The following ELMO1 variants were observed in gnomAD, a reference collection of about 807,000 sequenced individuals.
ELMO1 encodes engulfment and cell motility 1, also known as engulfment and cell motility protein 1.
In ELMO1, 26 loss-of-function variants were observed where a neutral mutation model predicts 98.9. The ratio of observed to expected loss-of-function variants is 0.26; its 90% confidence interval spans 0.19 to 0.36. The LOEUF is 0.36. ELMO1 is among the 10% of genes least tolerant of loss of function. The probability of loss-of-function intolerance (pLI) is 1.00; values close to 1 mark genes in which losing one functional copy is unlikely to be tolerated. For missense variants in ELMO1, 627 were observed against 935.2 expected, an observed-to-expected ratio of 0.67 and a Z score of 4.30; for synonymous variants, 346 against 346.0, an observed-to-expected ratio of 1.00 and a Z score of 0.00.
At chr7:37,322,577 C>T (rs537970364) in intron 2 of ELMO1, among the ~76,000 whole-genome samples, 87 of 150,674 alleles carry the variant, frequency 5.8e-4, no homozygotes, top group African/African-American at 1.8e-3. Context: ...GCTGAGACCG[C>T]GCTACTGCAC....
At chr7:37,182,588 C>T (rs1403113465) in intron 13 of ELMO1, among the ~76,000 whole-genome samples, 1 of 150,610 alleles carries the variant, frequency 6.6e-6, no homozygotes, top group Non-Finnish European at 1.5e-5. Flanking sequence ...CCTCCCCCTC[C>T]TCTCTCTCTT....
At chr7:37,111,181 G>C (rs1001276980) in intron 14 of ELMO1, among the ~76,000 whole-genome samples, 1 of 152,182 alleles carries the variant, frequency 6.6e-6, no homozygotes, top group Non-Finnish European at 1.5e-5. Flanking sequence ...TGCCCTGAGA[G>C]AGTCAGTAAG....
intron 14 of ELMO1, among the ~76,000 whole-genome samples, chr7:37,109,348 G>A (rs1179827852): frequency 6.6e-6 from 1 of 152,238 alleles, no homozygotes; most frequent in Non-Finnish European, 1.5e-5. Context: ...TTCGTTGTGT[G>A]TTTATGGAAA....
chr7:37,021,230 A>G (rs1289424903), intron 15 of ELMO1, among the ~76,000 whole-genome samples: 1 of 152,168 alleles, frequency 6.6e-6, no homozygotes, highest in Non-Finnish European at 1.5e-5. Flanking sequence ...CAGCCTAGAT[A>G]GAAGCTACCA....
At chr7:37,355,775 T>G (rs1289071103) in intron 1 of ELMO1, among the ~76,000 whole-genome samples, 2 of 152,218 alleles carry the variant, frequency 1.3e-5, no homozygotes, top group South Asian at 2.1e-4. Flanking sequence ...GGACTCAACT[T>G]GTTCTAAATC....
chr7:37,111,260 A>G (rs1355345993), intron 14 of ELMO1, among the ~76,000 whole-genome samples: 1 of 152,204 alleles, frequency 6.6e-6, no homozygotes, highest in Non-Finnish European at 1.5e-5. Flanking sequence ...CATTGAAAAG[A>G]TCAGCACACG....
chr7:37,346,380 A>C (rs573193992), intron 1 of ELMO1, among the ~76,000 whole-genome samples: 1 of 152,332 alleles, frequency 6.6e-6, no homozygotes, highest in East Asian at 1.9e-4. Flanking sequence ...ATCCTCAAGA[A>C]ATAATTATTA....
chr7:36,954,964 C>A (rs1180573470), intron 16 of ELMO1, among the ~76,000 whole-genome samples: 1 of 152,188 alleles, frequency 6.6e-6, no homozygotes. Context: ...AGCCATTCAT[C>A]CCACAACCCG....
At chr7:36,915,517 C>T (rs1040934895) in intron 16 of ELMO1, among the ~76,000 whole-genome samples, 4 of 152,166 alleles carry the variant, frequency 2.6e-5, no homozygotes, top group Non-Finnish European at 5.9e-5. Context: ...GAGATGGATC[C>T]ACCACAAAGG....
intron 17 of ELMO1, among the ~76,000 whole-genome samples, chr7:36,893,725 C>T (rs1372716008): frequency 6.6e-6 from 1 of 152,152 alleles, no homozygotes; most frequent in Non-Finnish European, 1.5e-5. Context: ...GGCTCTTCCA[C>T]TTGTTGGCAT....
At chr7:37,364,377 A>AAG (rs1447829586) in intron 1 of ELMO1, among the ~76,000 whole-genome samples, 1 of 152,244 alleles carries the variant, frequency 6.6e-6, no homozygotes, top group Non-Finnish European at 1.5e-5. Context: ...GACAACAAGC[A>AAG]AGAATATTGA....
chr7:37,066,653 A>G (rs530890484), intron 15 of ELMO1, among the ~76,000 whole-genome samples: 1 of 152,330 alleles, frequency 6.6e-6, no homozygotes, highest in Admixed American at 6.5e-5. Context: ...TCCCAACACA[A>G]AGAAATGATA....
intron 10 of ELMO1, among the ~76,000 whole-genome samples, chr7:37,221,787 G>A (rs183924669): frequency 4.3e-4 from 66 of 151,802 alleles, no homozygotes; most frequent in African/African-American, 1.4e-3. Context: ...TCTGCCTCCC[G>A]GCTTGGTTCA....
At chr7:37,102,797 G>A (rs1269843282) in intron 14 of ELMO1, among the ~76,000 whole-genome samples, 1 of 152,208 alleles carries the variant, frequency 6.6e-6, no homozygotes, top group Non-Finnish European at 1.5e-5. Flanking sequence ...TGGAAGCTTA[G>A]ATGGCCTAAC....
chr7:36,865,351 G>C (rs753733358), intron 20 of ELMO1, among the ~76,000 whole-genome samples: 12 of 152,172 alleles, frequency 7.9e-5, no homozygotes, highest in Non-Finnish European at 1.5e-4. Flanking sequence ...GCTTATTGCT[G>C]TCCAGATATC....
chr7:37,100,242 A>G (rs1414967784), intron 14 of ELMO1, among the ~76,000 whole-genome samples: 4 of 152,226 alleles, frequency 2.6e-5, no homozygotes, highest in Admixed American at 6.5e-5. Context: ...TTCCTCCTAG[A>G]CAAAGCTATA....
At chr7:36,973,857 C>G (rs1003392763) in intron 16 of ELMO1, among the ~76,000 whole-genome samples, 2 of 152,244 alleles carry the variant, frequency 1.3e-5, no homozygotes, top group African/African-American at 2.4e-5. Flanking sequence ...CTGCCGTTGC[C>G]GAGCAATGAG....
At chr7:36,864,977 T>C (rs979162776) in intron 20 of ELMO1, among the ~76,000 whole-genome samples, 1 of 152,188 alleles carries the variant, frequency 6.6e-6, no homozygotes, top group Non-Finnish European at 1.5e-5. Context: ...GACCTTTGTA[T>C]TCAACACTCT....
intron 15 of ELMO1, among the ~76,000 whole-genome samples, chr7:37,071,678 A>G (rs1797278424): frequency 1.3e-5 from 2 of 152,170 alleles, no homozygotes; most frequent in Admixed American, 1.3e-4. Context: ...ATCTTCCTTT[A>G]TTTGGTGTAA....
Sources: allele counts gnomAD v4.1 joint callset (sites outside exome capture counted in the v4.1 genomes callset), GRCh38; gene constraint gnomAD v4.1.1; transcripts MANE v1.5; gene names NCBI Gene and HGNC (gene_info 2026-07-23, HGNC 2026-07-21).